The following NEB variants were observed in gnomAD, a reference collection of about 807,000 sequenced individuals.
NEB encodes the protein nebulin, also known as nemaline myopathy type 2.
NEB carries 512 observed loss-of-function variants against 952.2 expected under a neutral mutation model. That is an observed-to-expected ratio of 0.54 (90% confidence interval 0.50 to 0.58). The LOEUF is 0.58. Ranked by LOEUF, NEB falls within the 20% of genes least tolerant of loss-of-function variation. NEB has a pLI of 0.00. For missense variants in NEB, 8,428 were observed against 9,231.1 expected (o/e 0.91, Z 3.56); for synonymous variants, 2,900 against 3,149.8 (o/e 0.92, Z 2.66).
In NEB at chr2:151,493,808, T is replaced by C; in HGVS notation, c.24639A>G (p.Glu8213=). 1 of 1,586,672 alleles carries C rather than the reference T, an allele frequency of 6.3e-7. No individual in the cohort carries two copies. The highest frequency in any genetic ancestry group is 1.2e-5 in the South Asian group (1 of 86,848). ...AGTTTTCTTGATTGCGTTTCACTCTTTCCATCTCAGGAGTAAAGGGTGTGG... is the reference window on the plus strand; with the variant it reads ...AGTTTTCTTGATTGCGTTTCACTCTCTCCATCTCAGGAGTAAAGGGTGTGG... ...ATPTPFTPEM[E]RVKRNQENFS... Residue 8213 remains glutamate, a synonymous_variant, in exon 175 of 182, where the codon GAA becomes GAG. Coordinates refer to ENST00000397345, the MANE Select transcript of NEB (RefSeq NM_001164508.2).
At chr2:151,619,313 G>T in intron 73 of NEB, 138 bp downstream of exon 73, 1 of 983,058 alleles carries the variant, frequency 1.0e-6, no homozygotes, top group East Asian at 2.6e-5. Flanking sequence ...TACCTCCAAT[G>T]GGAAACTCCT....
chr2:151,632,122 T>C (rs976808897), intron 65 of NEB, among the ~76,000 whole-genome samples: 4 of 152,140 alleles, frequency 2.6e-5, no homozygotes, highest in Non-Finnish European at 4.4e-5. Flanking sequence ...CAGACACCTA[T>C]ATAAAATCAT....
chr2:151,548,636 T>C (rs1252759789), intron 130 of NEB, among the ~76,000 whole-genome samples: 2 of 152,242 alleles, frequency 1.3e-5, no homozygotes, highest in African/African-American at 4.8e-5. Flanking sequence ...AATTTGACCT[T>C]GCCTAGGTGA....
At position 151,609,991 on chromosome 2, in the gene NEB, C is replaced by A. The variant is rs983264689; in HGVS notation, c.12148G>T (p.Glu4050Ter). The A allele has an allele frequency of 6.2e-7, 1 of 1,613,814 alleles. No homozygotes were observed. The highest frequency in any genetic ancestry group is 1.3e-5 in the African/African-American group (1 of 74,906). The part of the protein sequence containing the change: ...KIQSEREYKK[E>*]FQKWKTKFSS... ...AACTTGGTTTTCCACTTTTGGAATTCCTTCTTGTACTCCCTTTCACTTTGA... is the reference window on the plus strand; with the variant it reads ...AACTTGGTTTTCCACTTTTGGAATTACTTCTTGTACTCCCTTTCACTTTGA... Residue 4050 changes from glutamate (E) to a stop codon, truncating the protein, a stop_gained, in exon 81 of 182, where the codon GAA (glutamate) becomes TAA (stop). Coordinates refer to ENST00000397345, the MANE Select transcript of NEB (RefSeq NM_001164508.2). LOFTEE classifies it high-confidence loss of function.
chr2:151,559,898 C>A (rs553043135), intron 124 of NEB, among the ~76,000 whole-genome samples: 6 of 152,114 alleles, frequency 3.9e-5, no homozygotes, highest in African/African-American at 1.4e-4. Context: ...ATGTAATAAA[C>A]CTCCACGTTC....
At chr2:151,564,835 C>G (rs1388643125) in intron 117 of NEB, among the ~76,000 whole-genome samples, 4 of 152,210 alleles carry the variant, frequency 2.6e-5, no homozygotes, top group African/African-American at 7.2e-5. Context: ...AAGAGCCCGG[C>G]ACATCACGGG....
At chr2:151,530,195 T>A (rs2089866460) in intron 145 of NEB, among the ~76,000 whole-genome samples, 1 of 152,176 alleles carries the variant, frequency 6.6e-6, no homozygotes, top group Non-Finnish European at 1.5e-5. Flanking sequence ...TTCTGCCTTT[T>A]AAAAATATAT....
chr2:151,610,170 CAT>C (rs752056199), intron 80 of NEB, 50 bp from the exon 81 acceptor site: 2 of 1,439,018 alleles, frequency 1.4e-6, no homozygotes. Flanking sequence ...AAACCATGCT[CAT>C]GTGCTGACAA....
chr2:151,557,907 A>G (rs530546903), intron 124 of NEB, among the ~76,000 whole-genome samples: 65 of 152,350 alleles, frequency 4.3e-4, no homozygotes, highest in Non-Finnish European at 7.9e-4. Context: ...CCCACAGCCA[A>G]TATCATACTG....
At chr2:151,682,110 C>T (rs956136536) in intron 29 of NEB, among the ~76,000 whole-genome samples, 1 of 152,008 alleles carries the variant, frequency 6.6e-6, no homozygotes, top group African/African-American at 2.4e-5. Context: ...AGAAACATTA[C>T]ATGAAGTGAA....
intron 30 of NEB, among the ~76,000 whole-genome samples, 199 bp downstream of exon 30, chr2:151,680,531 A>T (rs187718056): frequency 4.5e-4 from 69 of 152,300 alleles, no homozygotes; most frequent in African/African-American, 1.3e-3. Context: ...GGCTAAAAGG[A>T]CAGTCAGCAC....
intron 10 of NEB, among the ~76,000 whole-genome samples, chr2:151,715,316 TA>T (rs1283441308): frequency 6.6e-6 from 1 of 152,272 alleles, no homozygotes; most frequent in African/African-American, 2.4e-5. Flanking sequence ...ATAAAAATAT[TA>T]ATTTGAAACA....
chr2:151,630,299 T>C (rs1213583703), intron 67 of NEB, among the ~76,000 whole-genome samples: 1 of 152,206 alleles, frequency 6.6e-6, no homozygotes, highest in East Asian at 1.9e-4. Flanking sequence ...TTTCTTTCTA[T>C]AGACAAAGCT....
rs914492763 is a variant in NEB at position 151,553,731 on chromosome 2, A to G, written c.19626+97T>C. On this transcript the variant is annotated intron_variant, in intron 126 of 181. Coordinates refer to ENST00000397345, the MANE Select transcript of NEB (RefSeq NM_001164508.2). ...TGGACATATAGGGAAGAGATAGTGG[A>G]AAAAGGCTAAGGTAAAGAAATGGGT... 1.5e-5 allele frequency: 18 copies of G among 1,228,314 alleles called. 1 individual carries two copies. Among genetic ancestry groups the G allele is most frequent in the South Asian group, 1.4e-4 (9 of 64,396 alleles). The allele number at this position is 1,228,314 out of a possible 1,614,324, so 76.1% of individuals were successfully genotyped here. A position where few individuals can be genotyped will look rare whatever the true frequency, so the allele number is the denominator to read the frequency against.
intron 145 of NEB, among the ~76,000 whole-genome samples, chr2:151,529,788 T>G (rs2089509668): frequency 6.6e-6 from 1 of 152,102 alleles, no homozygotes. Flanking sequence ...CCTCAGCCTT[T>G]CAAAGTGCTG....
rs1340061276 is a variant in NEB at position 151,648,989 on chromosome 2, C to T, written c.7431+1187G>A. Among the ~76,000 whole-genome samples, 4 of 152,132 alleles carry T rather than the reference C, an allele frequency of 2.6e-5. No homozygotes were observed. In the East Asian group the frequency reaches 7.7e-4, roughly 29 times the overall value. ...GCATTCCCCAAACTAGAGCACACTG[C>T]TGGGGAGTCCTGTCCCAGAACGTGT... On this transcript the variant is annotated intron_variant, in intron 54 of 181. Coordinates refer to ENST00000397345, the MANE Select transcript of NEB (RefSeq NM_001164508.2).
At chr2:151,694,766 A>G in intron 18 of NEB, 137 bp from the exon 19 acceptor site, 3 of 692,772 alleles carry the variant, frequency 4.3e-6, no homozygotes, top group Non-Finnish European at 4.8e-6. Context: ...AATCATGCAT[A>G]TTTTAAATAT....
In NEB at chr2:151,568,660, A is replaced by G. The variant is rs758198271; in HGVS notation, c.17592T>C (p.Val5864=). ...TLNFTPVDDR[V]DYVTAKQSGE... is the part of the protein sequence containing the mutation. ...CACTTTGTTTCGCTGTCACATAATC[A>G]ACTCTGTCATCCACAGGCGTAAAGT... The change falls in exon 111 of 182, where the codon GTT becomes GTC. Residue 5864 remains valine (V), a synonymous_variant. Transcript: ENST00000397345. 1.9e-6 allele frequency: 3 copies of G among 1,610,134 alleles called. No homozygotes were observed. Among genetic ancestry groups the G allele is most frequent in the Non-Finnish European group, 2.5e-6 (3 of 1,178,128 alleles).
At chr2:151,503,052 C>T (rs2065935058) in intron 166 of NEB, 167 bp from the exon 167 acceptor site, 1 of 591,330 alleles carries the variant, frequency 1.7e-6, no homozygotes, top group Non-Finnish European at 2.9e-6. Context: ...ATGAACTCTA[C>T]AATGCTAATT....
Sources: allele counts gnomAD v4.1 joint callset (sites outside exome capture counted in the v4.1 genomes callset), GRCh38; gene constraint gnomAD v4.1.1; transcripts MANE v1.5; gene names NCBI Gene and HGNC (gene_info 2026-07-23, HGNC 2026-07-21).